OPCML: variants seen among roughly 807,000 people sequenced by gnomAD.
The protein encoded by OPCML is opioid binding protein/cell adhesion molecule like.
A neutral mutation model predicts 37.8 loss-of-function variants in OPCML; 13 were observed. The ratio of observed to expected loss-of-function variants is 0.34; its 90% CI spans 0.22 to 0.55. The LOEUF (loss-of-function observed/expected upper bound fraction) is 0.55, where lower values mean the gene tolerates loss of function less well. Ranked by LOEUF, OPCML falls within the 20% of genes least tolerant of loss-of-function variation. The probability of loss-of-function intolerance (pLI) is 0.91; values close to 1 mark genes in which losing one functional copy is unlikely to be tolerated. For synonymous variants in OPCML, 176 were observed against 168.8 expected (o/e 1.04, Z -0.33); for missense variants, 341 against 435.6 (o/e 0.78, Z 1.93).
At chr11:132,783,012 G>A (rs992938128) in intron 2 of OPCML, among the ~76,000 whole-genome samples, 14 of 150,206 alleles carry the variant, frequency 9.3e-5, no homozygotes, top group Admixed American at 8.0e-4. Context: ...ACAGAGTAGA[G>A]CAGAAATCTG....
intron 2 of OPCML, among the ~76,000 whole-genome samples, chr11:132,840,592 T>A (rs1462327642): frequency 6.6e-6 from 1 of 152,180 alleles, no homozygotes; most frequent in Non-Finnish European, 1.5e-5. Flanking sequence ...TATTTTAACA[T>A]CCCTAAACCT....
chr11:132,744,009 C>A (rs557445846), intron 2 of OPCML, among the ~76,000 whole-genome samples: 1 of 152,208 alleles, frequency 6.6e-6, no homozygotes, highest in Non-Finnish European at 1.5e-5. Flanking sequence ...CTACTCTAAT[C>A]ATCTCATGCT....
chr11:133,095,584 T>C (rs1048523430), intron 1 of OPCML, among the ~76,000 whole-genome samples: 2 of 145,470 alleles, frequency 1.4e-5, no homozygotes, highest in African/African-American at 5.1e-5. Flanking sequence ...GTATATCTAG[T>C]ATGCTAGTGA....
intron 2 of OPCML, among the ~76,000 whole-genome samples, chr11:132,805,040 A>G (rs1341242237): frequency 6.6e-6 from 1 of 152,198 alleles, no homozygotes; most frequent in Non-Finnish European, 1.5e-5. Context: ...ATAGGAAAAT[A>G]TGATCTAAAT....
chr11:132,994,463 G>A (rs537354767), intron 1 of OPCML, among the ~76,000 whole-genome samples: 1 of 152,150 alleles, frequency 6.6e-6, no homozygotes, highest in Non-Finnish European at 1.5e-5. Context: ...CAGGCGCCTC[G>A]TGGGTACCAG....
At chr11:132,463,569 C>G (rs1168193362) in intron 4 of OPCML, among the ~76,000 whole-genome samples, 1 of 152,216 alleles carries the variant, frequency 6.6e-6, no homozygotes, top group African/African-American at 2.4e-5. Context: ...CTGTACCACA[C>G]TGCAAGGATT....
chr11:133,269,075 A>G (rs536643902), intron 1 of OPCML, among the ~76,000 whole-genome samples: 5 of 152,224 alleles, frequency 3.3e-5, no homozygotes, highest in Non-Finnish European at 5.9e-5. Flanking sequence ...TAAGATCTAC[A>G]GGTTCAGATG....
rs1256785551 is a variant in OPCML, at chr11:133,205,584, T to C, written c.62-262574A>G. On this transcript the variant is annotated intron_variant, in intron 1 of 7. Coordinates refer to ENST00000524381, the MANE Select transcript of OPCML (RefSeq NM_001012393.5). This position sits in a 1 kb window ranked among gnomAD's most constrained non-coding sequence, Gnocchi z 4.8. The stretch of plus-strand genomic sequence containing the variant: ...CAGGTAGACAGTGTCAGAATTGAAT[T>C]GAATTGGAGAACGCCCAGTCCTCAC... Among the ~76,000 whole-genome samples, 1 of 152,176 alleles carries C rather than the reference T, an allele frequency of 6.6e-6. No homozygotes were observed. The highest frequency in any genetic ancestry group is 1.5e-5 in the Non-Finnish European group (1 of 68,046).
chr11:132,770,357 A>C (rs1946596788), intron 2 of OPCML, among the ~76,000 whole-genome samples: 1 of 152,110 alleles, frequency 6.6e-6, no homozygotes, highest in African/African-American at 2.4e-5. Flanking sequence ...AATTGTCTCC[A>C]GAATAAGGAA....
chr11:132,705,123 G>A (rs1943979161), intron 2 of OPCML, among the ~76,000 whole-genome samples: 2 of 152,140 alleles, frequency 1.3e-5, no homozygotes, highest in Non-Finnish European at 2.9e-5. Context: ...GATATAGTTT[G>A]GATATGTGTC....
chr11:132,870,901 G>A (rs1942769838), intron 2 of OPCML, among the ~76,000 whole-genome samples: 1 of 152,218 alleles, frequency 6.6e-6, no homozygotes, highest in Non-Finnish European at 1.5e-5. Context: ...CTAGGGGTAA[G>A]GAGGTGTGGC....
chr11:133,235,946 G>C (rs1411769903), intron 1 of OPCML, among the ~76,000 whole-genome samples: 3 of 152,162 alleles, frequency 2.0e-5, no homozygotes, highest in African/African-American at 7.2e-5. Flanking sequence ...GTTATCAGCA[G>C]GGGATAGTTC....
intron 1 of OPCML, among the ~76,000 whole-genome samples, chr11:133,317,563 C>T (rs1029440114): frequency 3.3e-5 from 5 of 152,192 alleles, no homozygotes; most frequent in African/African-American, 1.2e-4. Context: ...CTTTTATTAG[C>T]AGAAGTTGTT....
intron 4 of OPCML, among the ~76,000 whole-genome samples, chr11:132,479,453 C>T (rs909063951): frequency 2.0e-5 from 3 of 152,210 alleles, no homozygotes; most frequent in East Asian, 1.9e-4. Flanking sequence ...GGGGAAGGGG[C>T]GCCCACCATT....
chr11:132,723,945 G>A (rs1591519210), intron 2 of OPCML, among the ~76,000 whole-genome samples: 1 of 152,174 alleles, frequency 6.6e-6, no homozygotes, highest in South Asian at 2.1e-4. Context: ...TGGCAGAGAT[G>A]GCCATGTGGG....
At chr11:133,249,474 T>C (rs1448214710) in intron 1 of OPCML, among the ~76,000 whole-genome samples, 2 of 152,150 alleles carry the variant, frequency 1.3e-5, no homozygotes, top group Non-Finnish European at 2.9e-5. Flanking sequence ...GGATCAAATT[T>C]CAACTTGAGG....
intron 3 of OPCML, among the ~76,000 whole-genome samples, chr11:132,544,032 G>A (rs2096363341): frequency 6.6e-6 from 1 of 152,040 alleles, no homozygotes; most frequent in Non-Finnish European, 1.5e-5. Flanking sequence ...TCTCATTACA[G>A]CCAAAGACAA....
chr11:133,391,281 C>A (rs528892766), intron 1 of OPCML, among the ~76,000 whole-genome samples: 5 of 152,266 alleles, frequency 3.3e-5, no homozygotes, highest in African/African-American at 1.2e-4. Context: ...GACCTACTGG[C>A]ATTGCTCCTC....
intron 1 of OPCML, among the ~76,000 whole-genome samples, chr11:133,356,058 G>T (rs1401557218): frequency 6.6e-6 from 1 of 152,186 alleles, no homozygotes; most frequent in African/African-American, 2.4e-5. Context: ...AGGTTGAATT[G>T]TAGAACCAGG....
Sources: gnomAD v4.1 joint callset for allele counts (sites outside exome capture counted in the v4.1 genomes callset) on GRCh38, gnomAD v4.1.1 for gene constraint, Gnocchi (gnomAD v3.1) non-coding constraint, MANE v1.5 for transcripts, NCBI Gene and HGNC (gene_info 2026-07-23, HGNC 2026-07-21) for gene names.